Variants in ZZZ3 observed in about 807,000 individuals in gnomAD.
ZZZ3 encodes the protein zinc finger ZZ-type containing 3.
A neutral mutation model predicts 95.2 loss-of-function variants in ZZZ3; 22 were observed. The ratio of observed to expected loss-of-function variants is 0.23; its 90% CI spans 0.17 to 0.33. The LOEUF is 0.33. Among genes scored for constraint, ZZZ3 ranks in the 10% least tolerant of loss-of-function variants. The pLI, the probability that ZZZ3 is intolerant of heterozygous loss-of-function variation, is 1.00. For missense variants in ZZZ3, 885 were observed against 1,066.5 expected (o/e 0.83, Z 2.37); for synonymous variants, 335 against 358.9 (o/e 0.93, Z 0.75).
In ZZZ3 at chr1:77,639,471, T is replaced by C. The variant is rs1481303611; in HGVS notation, c.-74A>G. On this transcript the variant is annotated 5_prime_UTR_variant, in exon 4 of 15. An upstream start codon of the reference 5' UTR is lost. Coordinates refer to ENST00000370801, the MANE Select transcript of ZZZ3 (RefSeq NM_015534.6). ...TACCTGTACAACCAAAGATCTATCA[T>C]TGTGGAAATATAATCTCTTTTCCTT... 29 of 1,517,314 alleles carry C rather than the reference T, an allele frequency of 1.9e-5. No homozygotes were observed. Among genetic ancestry groups the C allele is most frequent in the African/African-American group, 7.0e-5 (5 of 71,334 alleles). The allele number at this position is 1,517,314 out of a possible 1,614,324, so 94.0% of individuals were successfully genotyped here.
intron 5 of ZZZ3, among the ~76,000 whole-genome samples, chr1:77,625,756 G>A (rs1378655042): frequency 6.6e-6 from 1 of 151,906 alleles, no homozygotes; most frequent in African/African-American, 2.4e-5. Flanking sequence ...TTGGGAGGCT[G>A]AGGGGGGCGG....
At chr1:77,638,139 ACTCC>A (rs570394681) in intron 4 of ZZZ3, among the ~76,000 whole-genome samples, 171 of 151,774 alleles carry the variant, frequency 1.1e-3, no homozygotes, top group South Asian at 7.5e-3. Context: ...AATTAACCAG[ACTCC>A]CTCCCTCTCT....
intron 5 of ZZZ3, among the ~76,000 whole-genome samples, chr1:77,631,466 T>C (rs1667807813): frequency 6.6e-6 from 1 of 152,204 alleles, no homozygotes; most frequent in African/African-American, 2.4e-5. Flanking sequence ...ATCTGGATGA[T>C]GTCTAAGCAC....
At chr1:77,608,390 AATAGTAT>A (rs1177429396) in intron 5 of ZZZ3, among the ~76,000 whole-genome samples, 2 of 152,238 alleles carry the variant, frequency 1.3e-5, no homozygotes, top group Non-Finnish European at 2.9e-5. Context: ...TTTACCCTAG[AATAGTAT>A]ATGCAGTGAA....
At chr1:77,644,783 C>A (rs1669106641) in intron 1 of ZZZ3, among the ~76,000 whole-genome samples, 1 of 152,152 alleles carries the variant, frequency 6.6e-6, no homozygotes, top group South Asian at 2.1e-4. Flanking sequence ...AATCCCTGGA[C>A]CCAATCACCT....
intron 5 of ZZZ3, among the ~76,000 whole-genome samples, chr1:77,630,697 T>C (rs1031104477): frequency 6.6e-6 from 1 of 152,140 alleles, no homozygotes; most frequent in African/African-American, 2.4e-5. Context: ...ATTAAGATAG[T>C]ATTTCAAAAG....
At chr1:77,680,291 G>A (rs1170372408) in intron 1 of ZZZ3, among the ~76,000 whole-genome samples, 2 of 152,102 alleles carry the variant, frequency 1.3e-5, no homozygotes, top group South Asian at 2.1e-4. Flanking sequence ...CTCAAATACC[G>A]ACTCGGGCTG....
intron 12 of ZZZ3, among the ~76,000 whole-genome samples, chr1:77,571,389 T>C (rs1181162644): frequency 6.6e-6 from 1 of 152,152 alleles, no homozygotes; most frequent in African/African-American, 2.4e-5. Context: ...TGGAAAACAG[T>C]ATGGTGGTTC....
intron 5 of ZZZ3, among the ~76,000 whole-genome samples, chr1:77,619,337 CAT>C (rs1439280892): frequency 2.6e-5 from 4 of 152,250 alleles, no homozygotes; most frequent in South Asian, 2.1e-4. Flanking sequence ...AGACACAGCA[CAT>C]GTCATTTTAA....
At chr1:77,625,336 A>G (rs1488287893) in intron 5 of ZZZ3, among the ~76,000 whole-genome samples, 1 of 152,174 alleles carries the variant, frequency 6.6e-6, no homozygotes, top group East Asian at 1.9e-4. Flanking sequence ...CATCCCACAC[A>G]CTAACACATA....
chr1:77,571,924 T>C (rs1380559802), intron 12 of ZZZ3, among the ~76,000 whole-genome samples: 1 of 152,218 alleles, frequency 6.6e-6, no homozygotes, highest in African/African-American at 2.4e-5. Context: ...AAATTTCATG[T>C]TATGTGTATT....
At chr1:77,681,632 C>A (rs1033897777) in intron 1 of ZZZ3, among the ~76,000 whole-genome samples, 3 of 152,078 alleles carry the variant, frequency 2.0e-5, no homozygotes, top group Non-Finnish European at 2.9e-5. Flanking sequence ...CTGTACAGTG[C>A]TGAAATCCCA....
intron 1 of ZZZ3, among the ~76,000 whole-genome samples, chr1:77,642,841 T>C (rs1320213096): frequency 6.6e-6 from 1 of 152,224 alleles, no homozygotes; most frequent in Non-Finnish European, 1.5e-5. Context: ...ACCATTCAGA[T>C]ATTCTCAGTG....
At chr1:77,570,543 CCTGA>C (rs1359069833) in intron 12 of ZZZ3, among the ~76,000 whole-genome samples, 18 of 152,232 alleles carry the variant, frequency 1.2e-4, no homozygotes, top group East Asian at 3.9e-4. Context: ...CCAATGGTTT[CCTGA>C]CTATCTACAG....
chr1:77,570,658 A>T (rs1661288716), intron 12 of ZZZ3, among the ~76,000 whole-genome samples: 1 of 148,732 alleles, frequency 6.7e-6, no homozygotes, highest in African/African-American at 2.5e-5. Context: ...TTTTATTTTT[A>T]TTATTTTATT....
chr1:77,579,879 T>C (rs1355560813), intron 9 of ZZZ3: 1 of 229,916 alleles, frequency 4.3e-6, no homozygotes, highest in African/African-American at 2.3e-5. Context: ...TAAGTAAAAA[T>C]ATCTCATAAG....
chr1:77,639,592 C>A lies in ZZZ3; in HGVS notation c.-195G>T. 1 of 578,084 alleles carries A rather than the reference C, an allele frequency of 1.7e-6. No individual in the cohort carries two copies. The highest frequency in any genetic ancestry group is 2.7e-6 in the Non-Finnish European group (1 of 373,520). The allele number at this position is 578,084 out of a possible 1,614,324, so 35.8% of individuals were successfully genotyped here. ...TCAGCCATGAAGAATACTAGAACCTCCTAAATTTTTCTTTAAAATAAAATA... is the reference window on the plus strand; with the variant it reads ...TCAGCCATGAAGAATACTAGAACCTACTAAATTTTTCTTTAAAATAAAATA... On this transcript the variant is annotated 5_prime_UTR_variant, in exon 4 of 15. Coordinates refer to ENST00000370801, the MANE Select transcript of ZZZ3 (RefSeq NM_015534.6).
At chr1:77,620,484 TGGAAGGAA>T (rs67469701) in intron 5 of ZZZ3, among the ~76,000 whole-genome samples, 26,678 of 135,620 alleles carry the variant, frequency 0.2, 2,653 homozygotes, top group South Asian at 0.34. Flanking sequence ...AACGAAAGAA[TGGAAGGAA>T]GGAAGGAAGG....
At chr1:77,587,016 A>C (rs1054553896) in intron 5 of ZZZ3, among the ~76,000 whole-genome samples, 2 of 152,236 alleles carry the variant, frequency 1.3e-5, no homozygotes, top group Non-Finnish European at 2.9e-5. Flanking sequence ...CTACTTAGAA[A>C]ACAAAGCATT....
Sources: gnomAD v4.1 joint callset for allele counts (sites outside exome capture counted in the v4.1 genomes callset) on GRCh38, gnomAD v4.1.1 for gene constraint, MANE v1.5 for transcripts, NCBI Gene and HGNC (gene_info 2026-07-23, HGNC 2026-07-21) for gene names.